PNKP: variants seen among roughly 807,000 people sequenced by gnomAD.
The protein encoded by PNKP is polynucleotide kinase 3'-phosphatase.
PNKP carries 82 observed loss-of-function variants against 66.2 expected under a neutral mutation model. That is an observed-to-expected ratio of 1.24 (90% CI 1.04 to 1.49). The LOEUF (loss-of-function observed/expected upper bound fraction) is 1.49, where lower values mean the gene tolerates loss of function less well. Ranked by LOEUF, PNKP falls within the 40% of genes most tolerant of loss-of-function variation. PNKP has a pLI of 0.00. For missense variants in PNKP, 907 were observed against 706.8 expected, an observed-to-expected ratio of 1.28 and a Z score of -3.21; for synonymous variants, 412 against 298.9, an observed-to-expected ratio of 1.38 and a Z score of -3.90.
In PNKP at chr19:49,861,351, G is replaced by GC. The variant is rs1343679884; in HGVS notation, c.1462dup (p.Ala488GlyfsTer6). On this transcript the variant is annotated frameshift_variant, in exon 17 of 17. Coordinates refer to ENST00000322344, the MANE Select transcript of PNKP (RefSeq NM_007254.4). LOFTEE classifies it high-confidence loss of function. ...AGAGAAGCCTTCAGCCAGCGTTGGG[G>GC]CCTCGAACTGCTTCCTGGCAGTGGT... 6.2e-7 allele frequency: 1 copy of GC among 1,614,044 alleles called. No homozygotes were observed. The highest frequency in any genetic ancestry group is 8.5e-7 in the Non-Finnish European group (1 of 1,180,008).
chr19:49,863,018 G>C (rs3739195), intron 8 of PNKP, among the ~76,000 whole-genome samples: 1 of 151,922 alleles, frequency 6.6e-6, no homozygotes, highest in Non-Finnish European at 1.5e-5. Context: ...TCCAGCCTCC[G>C]GCGTGCCGGC....
At chr19:49,867,406 T>G in intron 1 of PNKP, 63 bp downstream of exon 1, 11 of 610,572 alleles carry the variant, frequency 1.8e-5, no homozygotes, top group Non-Finnish European at 2.9e-5. Flanking sequence ...CGAGTTGCAA[T>G]CCCCACTTTC....
In PNKP at chr19:49,864,374, G is replaced by A. The variant is rs749645305; in HGVS notation, c.528C>T (p.Leu176=). The change falls in exon 5 of 17, where the codon CTC becomes CTT. Residue 176 remains leucine (L), a synonymous_variant. Transcript: ENST00000322344. ...KVAGFDLDGT[L]ITTRSGKVFP... is the part of the protein sequence containing the mutation. ...AGACCTTCCCAGAGCGTGTGGTGAT[G>A]AGCGTCCCGTCCAGATCAAAGCCAG... The A allele has an allele frequency of 1.2e-5, 19 of 1,613,888 alleles. No individual in the cohort carries two copies. The African/African-American group carries it at 1.7e-4, about 15-fold the overall frequency.
intron 14 of PNKP, 22 bp downstream of exon 14, chr19:49,861,750 T>TACGGCCCCGCGGTC: frequency 6.4e-7 from 1 of 1,558,572 alleles, no homozygotes; most frequent in Non-Finnish European, 8.7e-7. Flanking sequence ...GCAGGCCACC[T>TACGGCCCCGCGGTC]ACGGCCCCGC....
chr19:49,862,906 C>T (rs937247059), intron 8 of PNKP, 168 bp from the exon 9 acceptor site: 2 of 746,524 alleles, frequency 2.7e-6, no homozygotes, highest in Non-Finnish European at 4.7e-6. Context: ...GCCCCCTCCC[C>T]CCTCCGTGGT....
At chr19:49,865,060 C>A in intron 4 of PNKP, 67 bp downstream of exon 4, 1 of 1,376,020 alleles carries the variant, frequency 7.3e-7, no homozygotes, top group Non-Finnish European at 1.0e-6. Flanking sequence ...AAGTTGAGAG[C>A]ACGCAACAAA....
rs534712514 is a variant in PNKP, at chr19:49,866,560, T to C, written c.152-115A>G. Reference sequence around the variant, plus strand: ...CATCCAGGGAGTAAGAGGCAGTTTATTTCTACATGGGATTGGCTCCTTGAC... The same window carrying C: ...CATCCAGGGAGTAAGAGGCAGTTTACTTCTACATGGGATTGGCTCCTTGAC... On this transcript the variant is annotated intron_variant, in intron 2 of 16. Transcript: ENST00000322344. 4.6e-4 allele frequency: 451 copies of C among 977,194 alleles called. 5 individuals carry two copies. Among genetic ancestry groups the C allele is most frequent in the Middle Eastern group, 4.2e-4 (2 of 4,790 alleles). The allele number at this position is 977,194 out of a possible 1,614,324, so 60.5% of individuals were successfully genotyped here. A position where few individuals can be genotyped will look rare whatever the true frequency, so the allele number is the denominator to read the frequency against.
chr19:49,862,970 C>CCCACGCGG (rs2074790055), intron 8 of PNKP: 1 of 641,030 alleles, frequency 1.6e-6, no homozygotes, highest in Non-Finnish European at 2.8e-6. Flanking sequence ...CCTCCCGTTC[C>CCCACGCGG]CCACGCGGCC....
rs3739167 is a variant in PNKP at position 49,867,259 on chromosome 19, A to G, written c.-13-42T>C. 2.9e-3 allele frequency: 4,551 copies of G among 1,550,064 alleles called. 7 individuals are homozygous for G. The highest frequency in any genetic ancestry group is 3.4e-3 in the Non-Finnish European group (3,908 of 1,144,544). Reference sequence around the variant, plus strand: ...CGGGCTTGAGCGGCGCACAGCCCCAATTTGCTGCAGGAAGTCCCGCCTCCT... The same window carrying G: ...CGGGCTTGAGCGGCGCACAGCCCCAGTTTGCTGCAGGAAGTCCCGCCTCCT... On this transcript the variant is annotated intron_variant, in intron 1 of 16. Coordinates refer to ENST00000322344, the MANE Select transcript of PNKP (RefSeq NM_007254.4).
chr19:49,861,490 G>GGAGT lies in PNKP; in HGVS notation c.1403_1406dup (p.Ser470LeufsTer25). ...CCATGTCTGACACGGGGATATGAGAGGAGTCCGTCATCTCTCGAAACTGTG... is the reference window on the plus strand; with the variant it reads ...CCATGTCTGACACGGGGATATGAGAGGAGTGAGTCCGTCATCTCTCGAAACTGTG... On this transcript the variant is annotated frameshift_variant, in exon 16 of 17. Coordinates refer to ENST00000322344, the MANE Select transcript of PNKP (RefSeq NM_007254.4). LOFTEE classifies it low-confidence loss of function (END_TRUNC). 2 of 1,613,724 alleles carry GGAGT rather than the reference G, an allele frequency of 1.2e-6. No individual in the cohort carries two copies. The highest frequency in any genetic ancestry group is 8.5e-7 in the Non-Finnish European group (1 of 1,179,726).
In PNKP at chr19:49,866,389, G is replaced by C. The variant is rs751572919; in HGVS notation, c.198+10C>G. 2.5e-6 allele frequency: 4 copies of C among 1,612,822 alleles called. No individual in the cohort carries two copies. In the East Asian group the frequency reaches 6.7e-5, roughly 27 times the overall value. On this transcript the variant is annotated intron_variant, in intron 3 of 16. Coordinates refer to ENST00000322344, the MANE Select transcript of PNKP (RefSeq NM_007254.4). ...CCAGGCCTTGCTGGCCCTTGCAGAG[G>C]CACTGATACCTGTTTCACTGCCACT...
rs763847797 is a variant in PNKP at position 49,861,571 on chromosome 19, G to A, written c.1386+37C>T. 27 of 1,544,076 alleles carry A rather than the reference G, an allele frequency of 1.7e-5. No individual in the cohort carries two copies. The South Asian group carries it at 3.0e-4, about 17-fold the overall frequency. The stretch of plus-strand genomic sequence containing the variant: ...GTCAGGGGAGGAGGGGGGTCAGGGG[G>A]TGCAGCCCGGGGGGTGTCCGGGCTG... On this transcript the variant is annotated intron_variant, in intron 15 of 16. Transcript: ENST00000322344.
rs769761063 is a variant in PNKP at position 49,861,719 on chromosome 19, G to C, written c.1299-24C>G. The C allele has an allele frequency of 8.4e-6, 13 of 1,548,638 alleles. No individual in the cohort carries two copies. In the South Asian group the frequency reaches 1.5e-4, roughly 18 times the overall value. The stretch of plus-strand genomic sequence containing the variant: ...ACCTGTGGGGGAAGGAGCTGGATGT[G>C]CAGGCCCCGCCCACCCCGCCGCAGG... On this transcript the variant is annotated intron_variant, in intron 14 of 16. Transcript: ENST00000322344.
intron 3 of PNKP, 196 bp downstream of exon 3, chr19:49,866,203 T>G (rs2074818589): frequency 4.6e-6 from 3 of 650,258 alleles, no homozygotes; most frequent in Non-Finnish European, 8.4e-6. Context: ...TTTCACCATG[T>G]CGCTCAGGCT....
At position 49,865,304 on chromosome 19, in the gene PNKP, T is replaced by C. The variant is rs2122338975; in HGVS notation, c.321A>G (p.Glu107=). The C allele has an allele frequency of 6.2e-7, 1 of 1,614,172 alleles. No homozygotes were observed. The highest frequency in any genetic ancestry group is 8.5e-7 in the Non-Finnish European group (1 of 1,180,030). ...GCTGGGATTCTGGTGTGCGGGTCTC[T>C]TCCCAGCGCAGGGTCAGTGGGTGGA... ...NGLHPLTLRW[E]ETRTPESQPD... Residue 107 remains glutamate, a synonymous_variant, in exon 4 of 17, where the codon GAA becomes GAG. Coordinates refer to ENST00000322344, the MANE Select transcript of PNKP (RefSeq NM_007254.4).
chr19:49,861,524 C>T lies in PNKP; in HGVS notation c.1387-14G>A, dbSNP rs752506672. The T allele has an allele frequency of 2.5e-6, 4 of 1,605,104 alleles. No individual in the cohort carries two copies. Among genetic ancestry groups the T allele is most frequent in the African/African-American group, 2.8e-5 (2 of 71,848 alleles). On this transcript the variant is annotated splice_polypyrimidine_tract_variant and intron_variant, in intron 15 of 16. Coordinates refer to ENST00000322344, the MANE Select transcript of PNKP (RefSeq NM_007254.4). ...CATCTCTCGAAACTGTGGGGAACAT[C>T]AGAGGGGCGGCAGGCCCAGGGGTCA...
intron 2 of PNKP, chr19:49,866,821 G>A: frequency 1.6e-6 from 1 of 607,008 alleles, no homozygotes; most frequent in East Asian, 2.8e-5. Context: ...GATGGCCTGA[G>A]CATCATCCGC....
rs144257114 is a variant in PNKP at position 49,864,035 on chromosome 19, C to T, written c.673G>A (p.Gly225Arg). The T allele has an allele frequency of 7.6e-5, 122 of 1,613,988 alleles. No individual in the cohort carries two copies. Among genetic ancestry groups the T allele is most frequent in the South Asian group, 2.5e-4 (23 of 91,084 alleles). ...TTGAACTCCTCGGCTGGCAGCTTCCCGCGCCCGATGCTCATCTGGTTGGTG... is the reference window on the plus strand; with the variant it reads ...TTGAACTCCTCGGCTGGCAGCTTCCTGCGCCCGATGCTCATCTGGTTGGTG... Reference protein sequence around the residue: ...IFTNQMSIGRGKLPAEEFKAK... With the variant: ...IFTNQMSIGRRKLPAEEFKAK... Residue 225 changes from glycine (G) to arginine (R), a missense_variant, in exon 7 of 17, where the codon GGG becomes AGG. By Grantham distance (125) the Gly-to-Arg change is moderately radical. Transcript: ENST00000322344.
In PNKP at chr19:49,862,288, G is replaced by C. The variant is rs1349888810; in HGVS notation, c.1030-7C>G. 6.3e-7 allele frequency: 1 copy of C among 1,580,660 alleles called. No individual in the cohort carries two copies. Among genetic ancestry groups the C allele is most frequent in the African/African-American group, 1.3e-5 (1 of 74,522 alleles). On this transcript the variant is annotated splice_polypyrimidine_tract_variant and splice_region_variant and intron_variant, in intron 11 of 16. Coordinates refer to ENST00000322344, the MANE Select transcript of PNKP (RefSeq NM_007254.4). Reference sequence around the variant, plus strand: ...CTGAGCGGGAGACAGTCCTCTGCGAGGGGCGGGGGACACGCGTGAGATGCC... The same window carrying C: ...CTGAGCGGGAGACAGTCCTCTGCGACGGGCGGGGGACACGCGTGAGATGCC...
Sources: allele counts gnomAD v4.1 joint callset (sites outside exome capture counted in the v4.1 genomes callset), GRCh38; gene constraint gnomAD v4.1.1; transcripts MANE v1.5; gene names NCBI Gene and HGNC (gene_info 2026-07-23, HGNC 2026-07-21).